The following WDTC1 variants were observed in gnomAD, a reference collection of about 807,000 sequenced individuals.
WDTC1 encodes WD and tetratricopeptide repeats 1.
A neutral mutation model predicts 76.0 loss-of-function variants in WDTC1; 12 were observed. The ratio of observed to expected loss-of-function variants is 0.16; its 90% CI spans 0.10 to 0.26. WDTC1 has a LOEUF of 0.26. Ranked by LOEUF, WDTC1 falls within the 10% of genes least tolerant of loss-of-function variation. The probability of loss-of-function intolerance (pLI) is 1.00; values close to 1 mark genes in which losing one functional copy is unlikely to be tolerated. For synonymous variants in WDTC1, 326 were observed against 350.8 expected (o/e 0.93, Z 0.79); for missense variants, 511 against 908.8 (o/e 0.56, Z 5.63).
At chr1:27,285,534 C>G (rs546201233) in intron 5 of WDTC1, among the ~76,000 whole-genome samples, 1 of 152,228 alleles carries the variant, frequency 6.6e-6, no homozygotes, top group East Asian at 1.9e-4. Flanking sequence ...ATTTTTTGAA[C>G]TCACACGAGA....
chr1:27,275,089 T>C (rs2012983681), intron 3 of WDTC1, among the ~76,000 whole-genome samples: 1 of 152,252 alleles, frequency 6.6e-6, no homozygotes, highest in African/African-American at 2.4e-5. Flanking sequence ...GTGGATTTAT[T>C]CTCTTGCCTT....
intron 3 of WDTC1, among the ~76,000 whole-genome samples, chr1:27,267,391 G>A (rs1415329290): frequency 6.6e-6 from 1 of 151,982 alleles, no homozygotes; most frequent in African/African-American, 2.4e-5. Context: ...GATTACAGGC[G>A]TGTGCCACCA....
chr1:27,247,426 G>C (rs1368579191), intron 1 of WDTC1, among the ~76,000 whole-genome samples: 2 of 151,990 alleles, frequency 1.3e-5, no homozygotes, highest in African/African-American at 4.8e-5. Flanking sequence ...TTGTTACCCA[G>C]GTACTAAGCC....
intron 1 of WDTC1, among the ~76,000 whole-genome samples, chr1:27,252,318 A>G (rs1570943104): frequency 6.6e-6 from 1 of 152,012 alleles, no homozygotes; most frequent in African/African-American, 2.4e-5. Context: ...GCACCACTGC[A>G]CTCCAGCCTA....
At chr1:27,235,215 C>T (rs1037568530) in intron 1 of WDTC1, among the ~76,000 whole-genome samples, 3 of 152,040 alleles carry the variant, frequency 2.0e-5, no homozygotes, top group African/African-American at 4.8e-5. Context: ...GGAGGCTCTG[C>T]GGAGGGAGAG....
chr1:27,234,703 G>T lies in WDTC1; in HGVS notation c.-348G>T. ...GGAGGAGGGAGGGGAGTGCGTGTGT[G>T]AGAGCGCGCGAGGGAGTGTGAGTGT... On this transcript the variant is annotated 5_prime_UTR_variant, in exon 1 of 16. Transcript: ENST00000319394. 1 of 398,150 alleles carries T rather than the reference G, an allele frequency of 2.5e-6. No homozygotes were observed. Among genetic ancestry groups the T allele is most frequent in the South Asian group, 1.3e-4 (1 of 7,860 alleles). 24.7% of individuals were successfully genotyped at this position (398,150 alleles called of 1,614,324 possible). A position where few individuals can be genotyped will look rare whatever the true frequency, so the allele number is the denominator to read the frequency against.
chr1:27,300,747 G>GC (rs2013810867), intron 12 of WDTC1, among the ~76,000 whole-genome samples: 1 of 152,170 alleles, frequency 6.6e-6, no homozygotes, highest in African/African-American at 2.4e-5. Context: ...GTCAGACCCT[G>GC]CGTCCCCAGC....
chr1:27,249,707 T>A (rs1420311903), intron 1 of WDTC1, among the ~76,000 whole-genome samples: 1 of 152,066 alleles, frequency 6.6e-6, no homozygotes, highest in Non-Finnish European at 1.5e-5. Flanking sequence ...GCCTCCTGAG[T>A]AGCTAGGGCT....
In WDTC1 at chr1:27,306,319, G is replaced by C; in HGVS notation, c.1970G>C (p.Gly657Ala). 6.2e-7 allele frequency: 1 copy of C among 1,614,000 alleles called. No individual in the cohort carries two copies. Among genetic ancestry groups the C allele is most frequent in the Non-Finnish European group, 8.5e-7 (1 of 1,179,996 alleles). ...MGYRITGLSS[G>A]GAGASDDEDS... is the part of the protein sequence containing the mutation. ...TACCGGATCACGGGCCTGAGCAGTGGGGGTGCCGGGGCCTCTGATGATGAG... is the reference window on the plus strand; with the variant it reads ...TACCGGATCACGGGCCTGAGCAGTGCGGGTGCCGGGGCCTCTGATGATGAG... Residue 657 changes from glycine to alanine, a missense_variant, in exon 16 of 16, where the codon GGG becomes GCG. Coordinates refer to ENST00000319394, the MANE Select transcript of WDTC1 (RefSeq NM_001276252.2). This position sits in a 1 kb window ranked among gnomAD's most constrained non-coding sequence, Gnocchi z 5.0.
At chr1:27,258,206 T>A (rs1320305595) in intron 1 of WDTC1, among the ~76,000 whole-genome samples, 1 of 150,086 alleles carries the variant, frequency 6.7e-6, no homozygotes, top group East Asian at 2.0e-4. Context: ...TGAGACAGCA[T>A]GGGCAACATA....
At chr1:27,241,875 G>A (rs963025015) in intron 1 of WDTC1, among the ~76,000 whole-genome samples, 1 of 151,712 alleles carries the variant, frequency 6.6e-6, no homozygotes, top group South Asian at 2.1e-4. Context: ...GTGGCTGGGT[G>A]TGATGTCTCA....
chr1:27,306,189 G>A lies in WDTC1; in HGVS notation c.1840G>A (p.Glu614Lys). The A allele has an allele frequency of 6.2e-7, 1 of 1,614,032 alleles. No homozygotes were observed. Among genetic ancestry groups the A allele is most frequent in the Non-Finnish European group, 8.5e-7 (1 of 1,180,006 alleles). ...VRLWNPRPES[E>K]DLTGRVVEDM... ...GTCACCCCTTTCTCCACCACAGAGT[G>A]AAGACCTCACAGGCCGAGTCGTGGA... Residue 614 changes from glutamate to lysine, a missense_variant, in exon 16 of 16, where the codon GAA becomes AAA. By Grantham distance (56) the Glu-to-Lys change is moderately conservative. Transcript: ENST00000319394. The surrounding 1 kb of genome is among the most constrained non-coding windows in gnomAD (Gnocchi z 5.0).
Position 27,294,092 on chromosome 1 carries a change from G to T in WDTC1, c.733G>T (p.Gly245Cys). 6.2e-7 allele frequency: 1 copy of T among 1,614,080 alleles called. No individual in the cohort carries two copies. ...FCDRQKPLPDGAAQYYVAGHL... is the reference protein window; with the variant it reads ...FCDRQKPLPDCAAQYYVAGHL... Reference sequence around the variant, plus strand: ...TGACCGGCAGAAACCCCTTCCGGACGGTGCAGCCCAGTATTACGTAGCAGG... The same window carrying T: ...TGACCGGCAGAAACCCCTTCCGGACTGTGCAGCCCAGTATTACGTAGCAGG... Residue 245 changes from glycine (G) to cysteine (C), a missense_variant, in exon 8 of 16, where the codon GGT (glycine) becomes TGT (cysteine). Transcript: ENST00000319394.
intron 12 of WDTC1, among the ~76,000 whole-genome samples, chr1:27,299,696 G>A (rs545644745): frequency 2.8e-4 from 43 of 152,250 alleles, no homozygotes; most frequent in Admixed American, 1.8e-3. Flanking sequence ...GGTGACGTTG[G>A]CCTCGATTCA....
At chr1:27,275,700 A>G (rs1009663025) in intron 3 of WDTC1, among the ~76,000 whole-genome samples, 2 of 152,086 alleles carry the variant, frequency 1.3e-5, no homozygotes, top group East Asian at 1.9e-4. Context: ...CTGTCCTTTA[A>G]ATCCAGATCA....
At chr1:27,278,836 G>T (rs373189967) in intron 3 of WDTC1, among the ~76,000 whole-genome samples, 21 of 152,192 alleles carry the variant, frequency 1.4e-4, no homozygotes, top group East Asian at 7.7e-4. Context: ...AGGTATGGTG[G>T]CTCATGCCTG....
intron 3 of WDTC1, among the ~76,000 whole-genome samples, chr1:27,267,120 C>T (rs1264005005): frequency 1.3e-5 from 2 of 152,114 alleles, no homozygotes; most frequent in Non-Finnish European, 2.9e-5. Context: ...TTATAGTTTA[C>T]ATTTTATGTC....
chr1:27,290,216 G>A (rs759775931), intron 6 of WDTC1, among the ~76,000 whole-genome samples: 9 of 151,944 alleles, frequency 5.9e-5, no homozygotes, highest in Non-Finnish European at 1.2e-4. Flanking sequence ...TGAATACCTG[G>A]GACTACAGAC....
chr1:27,305,016 C>G lies in WDTC1; in HGVS notation c.1659C>G (p.Ile553Met), dbSNP rs143241417. The G allele has an allele frequency of 6.2e-7, 1 of 1,613,666 alleles. No homozygotes were observed. The highest frequency in any genetic ancestry group is 8.5e-7 in the Non-Finnish European group (1 of 1,179,848). ...CCCCCGCCAGCAACGCTCAGTATAT[C>G]GTCAGTGGCTCTGACGATGGCTCCT... Reference protein sequence around the residue: ...ANFFGSNAQYIVSGSDDGSFF... With the variant: ...ANFFGSNAQYMVSGSDDGSFF... Residue 553 changes from isoleucine to methionine, a missense_variant, in exon 15 of 16, where the codon ATC becomes ATG. Ile to Met is a conservative substitution (Grantham distance 10). Transcript: ENST00000319394. The surrounding 1 kb of genome is among the most constrained non-coding windows in gnomAD (Gnocchi z 4.6).
Sources: gnomAD v4.1 joint callset for allele counts (sites outside exome capture counted in the v4.1 genomes callset) on GRCh38, gnomAD v4.1.1 for gene constraint, Gnocchi (gnomAD v3.1) non-coding constraint, MANE v1.5 for transcripts, NCBI Gene and HGNC (gene_info 2026-07-23, HGNC 2026-07-21) for gene names.